Variants in CADPS2 observed in about 807,000 individuals in gnomAD.
CADPS2 encodes calcium-dependent secretion activator 2.
Under a neutral mutation model 172.5 loss-of-function variants are expected in CADPS2, and 93 were observed. That is an observed-to-expected ratio of 0.54 (90% CI 0.46 to 0.64). The LOEUF is 0.64. Ranked by LOEUF, CADPS2 falls within the 30% of genes least tolerant of loss-of-function variation. CADPS2 has a pLI of 0.00. For synonymous variants in CADPS2, 546 were observed against 555.2 expected (o/e 0.98, Z 0.23); for missense variants, 1,420 against 1,565.9 (o/e 0.91, Z 1.57).
Position 122,629,371 on chromosome 7 carries a change from C to T in CADPS2, c.787-43G>A, listed in dbSNP as rs759864479. On this transcript the variant is annotated intron_variant, in intron 3 of 29. Transcript: ENST00000449022. Reference sequence around the variant, plus strand: ...AGTTACACATATGTAATTACTTAATCTATATACAGTGACCCACAGACTGAG... The same window carrying T: ...AGTTACACATATGTAATTACTTAATTTATATACAGTGACCCACAGACTGAG... 2.7e-6 allele frequency: 4 copies of T among 1,483,250 alleles called. No homozygotes were observed. The Admixed American group carries it at 6.0e-5, about 22-fold the overall frequency. The allele number at this position is 1,483,250 out of a possible 1,614,324, so 91.9% of individuals were successfully genotyped here. A position where few individuals can be genotyped will look rare whatever the true frequency, so the allele number is the denominator to read the frequency against.
chr7:122,348,825 T>C (rs376474019), intron 27 of CADPS2, among the ~76,000 whole-genome samples: 13 of 152,194 alleles, frequency 8.5e-5, no homozygotes, highest in African/African-American at 2.9e-4. Context: ...ATTTGGTGTA[T>C]GAAGGGTAAT....
intron 4 of CADPS2, among the ~76,000 whole-genome samples, chr7:122,623,905 A>C (rs2134046951): frequency 1.3e-5 from 2 of 152,344 alleles, no homozygotes; most frequent in East Asian, 3.9e-4. Flanking sequence ...ATCTAGCATT[A>C]GCACAAGAAC....
chr7:122,733,149 C>A (rs2091847245), intron 2 of CADPS2, among the ~76,000 whole-genome samples: 1 of 151,492 alleles, frequency 6.6e-6, no homozygotes, highest in Non-Finnish European at 1.5e-5. Flanking sequence ...GAAAGGCCAA[C>A]CATGCTTCAT....
chr7:122,599,750 A>T (rs994670416), intron 6 of CADPS2, among the ~76,000 whole-genome samples: 7 of 152,204 alleles, frequency 4.6e-5, no homozygotes, highest in Non-Finnish European at 7.4e-5. Flanking sequence ...CCTTTGTAAA[A>T]GTGTATTTCA....
At chr7:122,563,413 T>C (rs2066000992) in intron 7 of CADPS2, among the ~76,000 whole-genome samples, 1 of 152,180 alleles carries the variant, frequency 6.6e-6, no homozygotes, top group South Asian at 2.1e-4. Flanking sequence ...CTTTGTGAAA[T>C]TTAAATCAAT....
intron 2 of CADPS2, among the ~76,000 whole-genome samples, chr7:122,724,832 G>T (rs1342568396): frequency 3.9e-5 from 6 of 151,920 alleles, no homozygotes; most frequent in African/African-American, 1.2e-4. Flanking sequence ...TTTGAATCAT[G>T]AACCTTTTGG....
At chr7:122,419,985 C>A (rs1011107108) in intron 17 of CADPS2, among the ~76,000 whole-genome samples, 1 of 152,044 alleles carries the variant, frequency 6.6e-6, no homozygotes, top group Non-Finnish European at 1.5e-5. Context: ...TCTTCTGAAT[C>A]CTCAGAAGCA....
intron 1 of CADPS2, among the ~76,000 whole-genome samples, chr7:122,800,442 C>G (rs1230170155): frequency 1.3e-5 from 2 of 152,134 alleles, no homozygotes; most frequent in African/African-American, 4.8e-5. Flanking sequence ...TGATCAAGTT[C>G]CAGAGCAGTG....
At chr7:122,574,263 T>C (rs1012182154) in intron 7 of CADPS2, among the ~76,000 whole-genome samples, 2 of 151,326 alleles carry the variant, frequency 1.3e-5, no homozygotes, top group Non-Finnish European at 2.9e-5. Context: ...CTTGGCAACA[T>C]AGTAAATCCT....
chr7:122,617,554 A>G (rs2133911252), intron 5 of CADPS2, among the ~76,000 whole-genome samples: 1 of 152,328 alleles, frequency 6.6e-6, no homozygotes, highest in South Asian at 2.1e-4. Context: ...GAAGAGAGGC[A>G]TGTATAAAAT....
At chr7:122,856,271 C>A (rs913405608) in intron 1 of CADPS2, among the ~76,000 whole-genome samples, 2 of 152,262 alleles carry the variant, frequency 1.3e-5, no homozygotes, top group African/African-American at 4.8e-5. Context: ...GGAATATCCC[C>A]AAATCTTTTT....
intron 8 of CADPS2, among the ~76,000 whole-genome samples, chr7:122,527,623 T>A (rs553538146): frequency 0.24 from 21,122 of 89,106 alleles, 1,617 homozygotes; most frequent in African/African-American, 0.28. Flanking sequence ...AGAGAGTGTG[T>A]GTGTGTGTGT....
rs1370330456 is a variant in CADPS2, at chr7:122,757,630, A to T, written c.340-20562T>A. 2.0e-5 allele frequency among the ~76,000 whole-genome samples: 3 copies of T among 152,070 alleles called. No homozygotes were observed. The East Asian group carries it at 5.8e-4, about 29-fold the overall frequency. On this transcript the variant is annotated intron_variant, in intron 1 of 29. Coordinates refer to ENST00000449022, the MANE Select transcript of CADPS2 (RefSeq NM_017954.11). ...GTCCTAAAAAATAGGCCCAAATTTTAAAAATTATTGATCAACACTCTAGTA... is the reference window on the plus strand; with the variant it reads ...GTCCTAAAAAATAGGCCCAAATTTTTAAAATTATTGATCAACACTCTAGTA...
Position 122,554,561 on chromosome 7 carries a change from C to T in CADPS2, c.1464G>A (p.Met488Ile). ...LAVRMDKPAHMKHSGYLYALG... is the reference protein window; with the variant it reads ...LAVRMDKPAHIKHSGYLYALG... Reference sequence around the variant, plus strand: ...AAATTTATACTCACCCACTATGCTTCATATGTGCTGGTTTATCCATTCGCA... The same window carrying T: ...AAATTTATACTCACCCACTATGCTTTATATGTGCTGGTTTATCCATTCGCA... The change falls in exon 8 of 30, where the codon ATG becomes ATA. Residue 488 changes from methionine to isoleucine, a missense_variant. Met to Ile is a conservative substitution (Grantham distance 10, BLOSUM62 1). Transcript: ENST00000449022. 6.3e-7 allele frequency: 1 copy of T among 1,597,974 alleles called. No individual in the cohort carries two copies. The highest frequency in any genetic ancestry group is 8.5e-7 in the Non-Finnish European group (1 of 1,174,376).
At chr7:122,373,654 A>G (rs1044133299) in intron 25 of CADPS2, among the ~76,000 whole-genome samples, 1 of 152,178 alleles carries the variant, frequency 6.6e-6, no homozygotes, top group Non-Finnish European at 1.5e-5. Context: ...GTAAGGCTAC[A>G]GGGATCATGA....
At chr7:122,445,968 G>GTT (rs1025270031) in intron 15 of CADPS2, among the ~76,000 whole-genome samples, 60 of 152,140 alleles carry the variant, frequency 3.9e-4, no homozygotes, top group African/African-American at 1.4e-3. Flanking sequence ...CAAAAAATTT[G>GTT]TTTTTTTCAG....
At chr7:122,411,599 A>T (rs1316021340) in intron 19 of CADPS2, among the ~76,000 whole-genome samples, 2 of 152,168 alleles carry the variant, frequency 1.3e-5, no homozygotes, top group Non-Finnish European at 2.9e-5. Context: ...AACGAGCAAA[A>T]ACAGTGAGTC....
chr7:122,728,835 T>G (rs2091360114), intron 2 of CADPS2, among the ~76,000 whole-genome samples: 1 of 151,858 alleles, frequency 6.6e-6, no homozygotes, highest in Admixed American at 6.6e-5. Context: ...TTCTTACATT[T>G]GTAATGATCA....
intron 1 of CADPS2, among the ~76,000 whole-genome samples, chr7:122,820,641 G>A (rs1802957625): frequency 8.3e-6 from 1 of 120,488 alleles, no homozygotes; most frequent in Admixed American, 9.1e-5. Flanking sequence ...CTCACTGCAA[G>A]CTCCGCCTCC....
Sources: gnomAD v4.1 joint callset for allele counts (sites outside exome capture counted in the v4.1 genomes callset) on GRCh38, gnomAD v4.1.1 for gene constraint, MANE v1.5 for transcripts, NCBI Gene and HGNC (gene_info 2026-07-23, HGNC 2026-07-21) for gene names.